RBPMS: variants seen among roughly 807,000 people sequenced by gnomAD.
The protein encoded by RBPMS is RNA binding protein, mRNA processing factor, also known as RNA-binding protein with multiple splicing.
In RBPMS, 7 loss-of-function variants were observed where a neutral mutation model predicts 26.8. The observed-to-expected ratio is 0.26, with a 90% CI of 0.15 to 0.49. The LOEUF (loss-of-function observed/expected upper bound fraction) is 0.49, where lower values mean the gene tolerates loss of function less well. Among genes scored for constraint, RBPMS ranks in the 20% least tolerant of loss-of-function variants. The pLI is 0.98. For synonymous variants in RBPMS, 96 were observed against 93.3 expected (o/e 1.03, Z -0.17); for missense variants, 186 against 250.0 (o/e 0.74, Z 1.73).
intron 1 of RBPMS, among the ~76,000 whole-genome samples, chr8:30,456,996 C>T (rs1815297080): frequency 6.6e-6 from 1 of 152,216 alleles, no homozygotes; most frequent in Non-Finnish European, 1.5e-5. Context: ...TTGGTCGTAT[C>T]TTTATTTGGT....
chr8:30,566,381 A>T, intron 8 of RBPMS, 21 bp downstream of exon 8: 1 of 835,502 alleles, frequency 1.2e-6, no homozygotes, highest in Non-Finnish European at 1.4e-6. Flanking sequence ...GTCAGGGCTG[A>T]ACAAGCCCTC....
At chr8:30,489,726 A>C (rs1585638255) in intron 4 of RBPMS, among the ~76,000 whole-genome samples, 1 of 152,186 alleles carries the variant, frequency 6.6e-6, no homozygotes, top group Non-Finnish European at 1.5e-5. Flanking sequence ...TACAGGCGTG[A>C]GCCACCGTGC....
chr8:30,440,679 C>A (rs1812967995), intron 1 of RBPMS, among the ~76,000 whole-genome samples: 1 of 152,172 alleles, frequency 6.6e-6, no homozygotes, highest in Non-Finnish European at 1.5e-5. Context: ...GGGTCTACTA[C>A]TACTGGGTAA....
At chr8:30,452,790 C>T (rs16876974) in intron 1 of RBPMS, among the ~76,000 whole-genome samples, 1 of 152,174 alleles carries the variant, frequency 6.6e-6, no homozygotes, top group South Asian at 2.1e-4. Context: ...GAGACTGACT[C>T]CTGGCACTTG....
chr8:30,556,050 CCT>C, intron 6 of RBPMS: 2 of 985,424 alleles, frequency 2.0e-6, no homozygotes, highest in Non-Finnish European at 1.2e-6. Flanking sequence ...CGCAGCGGAG[CCT>C]CTCAGGCTGG....
chr8:30,518,715 T>TTC (rs1554533805), intron 5 of RBPMS, among the ~76,000 whole-genome samples: 2 of 129,924 alleles, frequency 1.5e-5, no homozygotes, highest in South Asian at 2.5e-4. Context: ...TTTTTTTTTT[T>TTC]CTGAAAAGGA....
intron 1 of RBPMS, among the ~76,000 whole-genome samples, chr8:30,434,723 A>G (rs1812268630): frequency 6.6e-6 from 1 of 150,924 alleles, no homozygotes; most frequent in Admixed American, 6.6e-5. Flanking sequence ...AAAAAAAGGC[A>G]ACAAAAAGAA....
chr8:30,392,611 G>T (rs975124155), intron 1 of RBPMS, among the ~76,000 whole-genome samples: 1 of 152,160 alleles, frequency 6.6e-6, no homozygotes, highest in Non-Finnish European at 1.5e-5. Flanking sequence ...TTGCAGTGAG[G>T]TTTCTGCTGC....
intron 1 of RBPMS, among the ~76,000 whole-genome samples, chr8:30,471,286 C>T (rs1585578945): frequency 6.6e-6 from 1 of 152,044 alleles, no homozygotes; most frequent in African/African-American, 2.4e-5. Flanking sequence ...TGTAATATTT[C>T]ATTGTATGAT....
chr8:30,446,844 C>CGTGTGT (rs1419237120), intron 1 of RBPMS: 1 of 54,546 alleles, frequency 1.8e-5, no homozygotes. Context: ...TGTGTGTGTG[C>CGTGTGT]GCGCGCGCGC....
chr8:30,385,009 C>CG lies in RBPMS; in HGVS notation c.-80dup, dbSNP rs1806841166. ...GCCCGCCCGAGGGAGCCCCGGCGCC[C>CG]GGGGAAGGCTCCAGTGGGCTAGCGC... On this transcript the variant is annotated 5_prime_UTR_variant, in exon 1 of 9. Coordinates refer to ENST00000397323, the MANE Select transcript of RBPMS (RefSeq NM_001008710.3). 2.6e-6 allele frequency: 3 copies of CG among 1,138,810 alleles called. No individual in the cohort carries two copies. The highest frequency in any genetic ancestry group is 2.3e-6 in the Non-Finnish European group (2 of 855,166). The allele number at this position is 1,138,810 out of a possible 1,614,324, so 70.5% of individuals were successfully genotyped here. A position where few individuals can be genotyped will look rare whatever the true frequency, so the allele number is the denominator to read the frequency against.
At chr8:30,508,956 C>T (rs1265895706) in intron 5 of RBPMS, among the ~76,000 whole-genome samples, 5 of 152,092 alleles carry the variant, frequency 3.3e-5, no homozygotes, top group African/African-American at 1.2e-4. Flanking sequence ...CCTGTCCTTT[C>T]GATTCAGTTT....
At chr8:30,560,467 A>G in intron 7 of RBPMS, among the ~76,000 whole-genome samples, 1 of 152,302 alleles carries the variant, frequency 6.6e-6, no homozygotes, top group African/African-American at 2.4e-5. Context: ...TCTTTCTCTG[A>G]TGGCAGGGAT....
At chr8:30,534,315 T>C (rs2151019816) in intron 5 of RBPMS, among the ~76,000 whole-genome samples, 1 of 152,296 alleles carries the variant, frequency 6.6e-6, no homozygotes, top group East Asian at 1.9e-4. Context: ...TTTCTTCATC[T>C]GTAAAATGGA....
At chr8:30,436,872 GAATA>G (rs1188091344) in intron 1 of RBPMS, among the ~76,000 whole-genome samples, 1 of 151,534 alleles carries the variant, frequency 6.6e-6, no homozygotes, top group Non-Finnish European at 1.5e-5. Context: ...GACTGTAACT[GAATA>G]AATATTGAAC....
In RBPMS at chr8:30,504,419, T is replaced by A. The variant is rs756515653; in HGVS notation, c.380T>A (p.Phe127Tyr). ...STPLPNTVPQ[F>Y]IAREPYELTV... is the part of the protein sequence containing the mutation. Reference sequence around the variant, plus strand: ...CCTCTGCCCAACACTGTACCTCAGTTCATTGCCAGAGAGCCATGTAAGTCG... The same window carrying A: ...CCTCTGCCCAACACTGTACCTCAGTACATTGCCAGAGAGCCATGTAAGTCG... The change falls in exon 5 of 9, where the codon TTC becomes TAC. Residue 127 changes from phenylalanine (F) to tyrosine (Y), a missense_variant. This residue lies in a region of RBPMS where 98 missense variants were observed against 113.6 expected (regional missense o/e 0.86). Transcript: ENST00000397323. The A allele has an allele frequency of 3.1e-6, 5 of 1,614,058 alleles. No homozygotes were observed. In the African/African-American group the frequency reaches 5.3e-5, roughly 17 times the overall value.
At chr8:30,494,599 C>T (rs893065795) in intron 4 of RBPMS, among the ~76,000 whole-genome samples, 7 of 152,346 alleles carry the variant, frequency 4.6e-5, no homozygotes, top group African/African-American at 1.7e-4. Flanking sequence ...CTTAAATCCA[C>T]ACTCCCGATT....
chr8:30,464,680 T>C (rs1816303938), intron 1 of RBPMS, among the ~76,000 whole-genome samples: 1 of 152,202 alleles, frequency 6.6e-6, no homozygotes, highest in African/African-American at 2.4e-5. Context: ...AACTAGGTAG[T>C]TTGAGAGATG....
At chr8:30,410,246 GCC>G in intron 1 of RBPMS, among the ~76,000 whole-genome samples, 1 of 150,008 alleles carries the variant, frequency 6.7e-6, no homozygotes, top group South Asian at 2.1e-4. Flanking sequence ...TCGCTCTGTT[GCC>G]CAGGCTGGAG....
Sources: allele counts gnomAD v4.1 joint callset (sites outside exome capture counted in the v4.1 genomes callset), GRCh38; gene constraint gnomAD v4.1.1; regional missense constraint gnomAD v4.1.1; transcripts MANE v1.5; gene names NCBI Gene and HGNC (gene_info 2026-07-23, HGNC 2026-07-21).